The following FREM2 variants were observed in gnomAD, a reference collection of about 807,000 sequenced individuals.
The protein encoded by FREM2 is FRAS1 related extracellular matrix 2, also known as FRAS1-related extracellular matrix protein 2.
FREM2 carries 119 observed loss-of-function variants against 219.9 expected under a neutral mutation model. The observed-to-expected ratio is 0.54, with a 90% CI of 0.47 to 0.63. FREM2 has a LOEUF of 0.63. Among genes scored for constraint, FREM2 ranks in the 30% least tolerant of loss-of-function variants. FREM2 has a pLI of 0.00. For missense variants in FREM2, 4,030 were observed against 3,993.6 expected, an observed-to-expected ratio of 1.01 and a Z score of -0.25; for synonymous variants, 1,562 against 1,522.8, an observed-to-expected ratio of 1.03 and a Z score of -0.60.
intron 6 of FREM2, among the ~76,000 whole-genome samples, chr13:38,811,789 T>C (rs1051460905): frequency 1.3e-5 from 2 of 152,114 alleles, no homozygotes; most frequent in African/African-American, 4.8e-5. Context: ...GTTGGATAAA[T>C]GTAAATATCT....
At chr13:38,820,672 G>A (rs1876007100) in intron 6 of FREM2, among the ~76,000 whole-genome samples, 1 of 151,968 alleles carries the variant, frequency 6.6e-6, no homozygotes, top group African/African-American at 2.4e-5. Flanking sequence ...ATTATTTGCT[G>A]GCCAGAGAGG....
chr13:38,765,547 A>C (rs1873401551), intron 3 of FREM2, among the ~76,000 whole-genome samples: 1 of 152,064 alleles, frequency 6.6e-6, no homozygotes, highest in Non-Finnish European at 1.5e-5. Flanking sequence ...CTCAAAGAGT[A>C]GACCTCTATG....
intron 4 of FREM2, among the ~76,000 whole-genome samples, chr13:38,779,212 C>T (rs1204695139): frequency 2.6e-5 from 4 of 151,510 alleles, no homozygotes; most frequent in African/African-American, 4.9e-5. Context: ...GAACAACACA[C>T]ACTGGGGCTT....
In FREM2 at chr13:38,876,452, A is replaced by AG. The variant is rs1878345310; in HGVS notation, c.8544+70_8544+71insG. On this transcript the variant is annotated intron_variant, in intron 20 of 23. Coordinates refer to ENST00000280481, the MANE Select transcript of FREM2 (RefSeq NM_207361.6). ...TTTGTTTTTCATTTATTAGTAAAAA[A>AG]AAAAAAAATCCACACGTGAATGACT... 5.1e-6 allele frequency: 7 copies of AG among 1,368,102 alleles called. No homozygotes were observed. In the South Asian group the frequency reaches 8.3e-5, roughly 16 times the overall value. The allele number at this position is 1,368,102 out of a possible 1,614,324, so 84.7% of individuals were successfully genotyped here.
In FREM2 at chr13:38,881,278, A is replaced by G. The variant is rs1878539780; in HGVS notation, c.*491A>G. 4.9e-6 allele frequency: 1 copy of G among 204,136 alleles called. No individual in the cohort carries two copies. The highest frequency in any genetic ancestry group is 5.3e-5 in the Admixed American group (1 of 18,796). The allele number at this position is 204,136 out of a possible 1,614,324, so 12.6% of individuals were successfully genotyped here. ...ACTGTTTATTATGACAAGTTTTCAA[A>G]TAGGTGAAGACAGCATAGAATTATG... On this transcript the variant is annotated 3_prime_UTR_variant, in exon 24 of 24. Coordinates refer to ENST00000280481, the MANE Select transcript of FREM2 (RefSeq NM_207361.6).
chr13:38,770,249 G>A (rs113553238), intron 4 of FREM2, among the ~76,000 whole-genome samples: 1,816 of 149,400 alleles, frequency 0.012, 40 homozygotes, highest in African/African-American at 0.042. Context: ...GTAAAGACAC[G>A]GTCTTGCTAT....
At chr13:38,702,037 A>G (rs1870363801) in intron 2 of FREM2, among the ~76,000 whole-genome samples, 1 of 152,170 alleles carries the variant, frequency 6.6e-6, no homozygotes, top group Non-Finnish European at 1.5e-5. Flanking sequence ...AGATCAATTA[A>G]ATAGTATTAT....
chr13:38,769,537 C>T (rs377666026), intron 3 of FREM2, 41 bp from the exon 4 acceptor site: 62 of 1,525,476 alleles, frequency 4.1e-5, no homozygotes, highest in Middle Eastern at 1.7e-4. Flanking sequence ...ATAATCCAAG[C>T]GAAAATGAAA....
intron 2 of FREM2, among the ~76,000 whole-genome samples, chr13:38,707,115 T>C (rs1013818184): frequency 6.6e-6 from 1 of 152,184 alleles, no homozygotes; most frequent in African/African-American, 2.4e-5. Flanking sequence ...TTCTGCCCTT[T>C]ATAAAAAAAA....
At chr13:38,827,853 T>TAG (rs901312018) in intron 6 of FREM2, among the ~76,000 whole-genome samples, 7 of 152,270 alleles carry the variant, frequency 4.6e-5, no homozygotes, top group African/African-American at 1.7e-4. Context: ...AAAAATGTTT[T>TAG]AGAGAACTTA....
chr13:38,708,646 T>C (rs1031078436), intron 2 of FREM2, among the ~76,000 whole-genome samples: 6 of 152,146 alleles, frequency 3.9e-5, no homozygotes, highest in African/African-American at 9.7e-5. Context: ...AGAATGAGAC[T>C]CTGTCTCAAT....
chr13:38,706,300 A>G (rs530622431), intron 2 of FREM2, among the ~76,000 whole-genome samples: 2 of 152,314 alleles, frequency 1.3e-5, no homozygotes, highest in South Asian at 2.1e-4. Context: ...GTGGTTGGAG[A>G]GATTGATTAA....
At chr13:38,737,978 A>G (rs1170417242) in intron 2 of FREM2, among the ~76,000 whole-genome samples, 1 of 152,196 alleles carries the variant, frequency 6.6e-6, no homozygotes, top group Non-Finnish European at 1.5e-5. Flanking sequence ...TACACCAGGT[A>G]GAAAGCCATT....
intron 2 of FREM2, among the ~76,000 whole-genome samples, chr13:38,715,771 T>C (rs1052095948): frequency 2.6e-5 from 4 of 152,188 alleles, no homozygotes; most frequent in Non-Finnish European, 5.9e-5. Flanking sequence ...ATCTTGGCCA[T>C]TTATTTTCTG....
chr13:38,806,662 G>A (rs1159540923), intron 6 of FREM2, among the ~76,000 whole-genome samples: 2 of 151,850 alleles, frequency 1.3e-5, no homozygotes, highest in Admixed American at 6.6e-5. Context: ...GCTGGTGTAG[G>A]TTCTTGTCTC....
chr13:38,754,119 A>C (rs1220940119), intron 2 of FREM2, among the ~76,000 whole-genome samples: 1 of 152,112 alleles, frequency 6.6e-6, no homozygotes, highest in Non-Finnish European at 1.5e-5. Flanking sequence ...TCAGCCTGGA[A>C]GGAGGATTTT....
At position 38,687,200 on chromosome 13, in the gene FREM2, C is replaced by A; in HGVS notation, c.-145C>A. 1 of 1,201,112 alleles carries A rather than the reference C, an allele frequency of 8.3e-7. No individual in the cohort carries two copies. The highest frequency in any genetic ancestry group is 1.2e-6 in the Non-Finnish European group (1 of 846,866). 74.4% of individuals were successfully genotyped at this position (1,201,112 alleles called of 1,614,324 possible). ...GACGGCGCCGCGCAACTTTGCCATC[C>A]TTCTGGCCCAGCCCCGGCTACAGGA... On this transcript the variant is annotated 5_prime_UTR_variant, in exon 1 of 24. Coordinates refer to ENST00000280481, the MANE Select transcript of FREM2 (RefSeq NM_207361.6).
chr13:38,885,791 T>C lies in FREM2; in HGVS notation c.*5004T>C, dbSNP rs531453432. On this transcript the variant is annotated 3_prime_UTR_variant, in exon 24 of 24. Coordinates refer to ENST00000280481, the MANE Select transcript of FREM2 (RefSeq NM_207361.6). Reference sequence around the variant, plus strand: ...CCTTGATTTTTCTCTCAATGGAGGTTCAACATTGACATTTAAGATGTAAAA... The same window carrying C: ...CCTTGATTTTTCTCTCAATGGAGGTCCAACATTGACATTTAAGATGTAAAA... 38 of 152,304 alleles carry C rather than the reference T, an allele frequency of 2.5e-4. No homozygotes were observed. The highest frequency in any genetic ancestry group is 9.1e-4 in the African/African-American group (38 of 41,582). 9.4% of individuals were successfully genotyped at this position (152,304 alleles called of 1,614,324 possible). A position where few individuals can be genotyped will look rare whatever the true frequency, so the allele number is the denominator to read the frequency against.
intron 2 of FREM2, among the ~76,000 whole-genome samples, chr13:38,710,109 A>G (rs1291717273): frequency 1.3e-5 from 2 of 151,936 alleles, no homozygotes; most frequent in Non-Finnish European, 2.9e-5. Flanking sequence ...GCATGAACCC[A>G]GGAGGCAGAA....
Sources: allele counts gnomAD v4.1 joint callset (sites outside exome capture counted in the v4.1 genomes callset), GRCh38; gene constraint gnomAD v4.1.1; transcripts MANE v1.5; gene names NCBI Gene and HGNC (gene_info 2026-07-23, HGNC 2026-07-21).